MAP2: variants seen among roughly 807,000 people sequenced by gnomAD.
MAP2 encodes the protein microtubule associated protein 2.
MAP2 carries 14 observed loss-of-function variants against 137.6 expected under a neutral mutation model. That is an observed-to-expected ratio of 0.10 (90% confidence interval 0.07 to 0.16). MAP2 has a LOEUF of 0.16. MAP2 is among the 10% of genes least tolerant of loss of function. MAP2 has a pLI of 1.00. For synonymous variants in MAP2, 786 were observed against 782.3 expected (o/e 1.00, Z -0.08); for missense variants, 2,088 against 2,191.5 (o/e 0.95, Z 0.94).
At chr2:209,717,305 A>C (rs2068079092) in intron 13 of MAP2, among the ~76,000 whole-genome samples, 1 of 152,092 alleles carries the variant, frequency 6.6e-6, no homozygotes, top group Non-Finnish European at 1.5e-5. Context: ...GCTTTAAGGG[A>C]AAGCAGTTCC....
intron 5 of MAP2, among the ~76,000 whole-genome samples, chr2:209,665,177 G>T (rs1361176069): frequency 6.6e-6 from 1 of 151,944 alleles, no homozygotes; most frequent in African/African-American, 2.4e-5. Flanking sequence ...AGTGAGAGTT[G>T]GGAGTAAAGA....
In MAP2 at chr2:209,702,196, C is replaced by G. The variant is rs1045164420; in HGVS notation, c.4584+1858C>G. Among the ~76,000 whole-genome samples the G allele has an allele frequency of 6.6e-5, 10 of 152,082 alleles. 1 individual carries two copies. The highest frequency in any genetic ancestry group is 2.4e-4 in the African/African-American group (10 of 41,534). On this transcript the variant is annotated intron_variant, in intron 11 of 15. Transcript: ENST00000682079. ...TTAGGAAATTTTTAAGCCCCTTGGT[C>G]TTTGAGTAACTCGATAGAATCAGCA...
At chr2:209,459,761 A>T (rs1363047511) in intron 1 of MAP2, among the ~76,000 whole-genome samples, 1 of 152,060 alleles carries the variant, frequency 6.6e-6, no homozygotes, top group Non-Finnish European at 1.5e-5. Context: ...CATTTTTTTG[A>T]TTAGTAGCAG....
rs768736628 is a variant in MAP2 at position 209,692,917 on chromosome 2, C to T, written c.747C>T (p.Gly249=). Residue 249 remains glycine, a synonymous_variant, in exon 8 of 16, where the codon GGC becomes GGT. Transcript: ENST00000682079. The part of the protein sequence containing the change: ...QKTEPSLVVP[G]IDLPKEPPTP... The stretch of plus-strand genomic sequence containing the variant: ...CAGAACCAAGCCTTGTAGTACCTGG[C>T]ATTGACCTCCCTAAAGAGCCTCCAA... 5 of 1,613,980 alleles carry T rather than the reference C, an allele frequency of 3.1e-6. No homozygotes were observed. In the South Asian group the frequency reaches 4.4e-5, roughly 14 times the overall value.
At chr2:209,631,004 G>GAAAAAAA (rs1314315917) in intron 4 of MAP2, among the ~76,000 whole-genome samples, 2 of 4,706 alleles carry the variant, frequency 4.2e-4, no homozygotes, top group Non-Finnish European at 8.7e-4. Context: ...GGAGCTACAA[G>GAAAAAAA]CAAAAAAAAA....
chr2:209,626,155 C>T (rs1036411442), intron 4 of MAP2, among the ~76,000 whole-genome samples: 1 of 152,056 alleles, frequency 6.6e-6, no homozygotes, highest in Non-Finnish European at 1.5e-5. Flanking sequence ...TGGTGGCTCA[C>T]ACCTGTAATC....
At chr2:209,642,600 C>A (rs202230186) in intron 4 of MAP2, among the ~76,000 whole-genome samples, 1 of 152,186 alleles carries the variant, frequency 6.6e-6, no homozygotes, top group East Asian at 1.9e-4. Flanking sequence ...ACGTGTTATG[C>A]ACCCACCAGC....
chr2:209,618,430 C>A (rs1367000331), intron 3 of MAP2, among the ~76,000 whole-genome samples: 1 of 152,056 alleles, frequency 6.6e-6, no homozygotes, highest in Non-Finnish European at 1.5e-5. Context: ...TAATTTTGAC[C>A]ATGAGTGCTA....
At chr2:209,700,455 G>T in intron 11 of MAP2, 117 bp downstream of exon 11, 2 of 789,922 alleles carry the variant, frequency 2.5e-6, no homozygotes, top group South Asian at 3.9e-5. Flanking sequence ...ACTTTAAATA[G>T]TTCGCTCACC....
chr2:209,572,985 T>G (rs2074655973), intron 2 of MAP2, among the ~76,000 whole-genome samples: 1 of 152,192 alleles, frequency 6.6e-6, no homozygotes, highest in Non-Finnish European at 1.5e-5. Flanking sequence ...CATTTGTCCA[T>G]GTAAAAGAAA....
At chr2:209,702,981 A>G (rs1164630636) in intron 11 of MAP2, among the ~76,000 whole-genome samples, 2 of 152,092 alleles carry the variant, frequency 1.3e-5, no homozygotes, top group African/African-American at 2.4e-5. Context: ...TTTAACAGTC[A>G]CCCATGAGAC....
intron 4 of MAP2, among the ~76,000 whole-genome samples, chr2:209,643,701 T>A (rs1451509826): frequency 6.6e-6 from 1 of 152,126 alleles, no homozygotes; most frequent in Non-Finnish European, 1.5e-5. Flanking sequence ...AGATTTTTTT[T>A]AACCATGGAC....
At chr2:209,609,218 C>T (rs1233105640) in intron 3 of MAP2, among the ~76,000 whole-genome samples, 4 of 151,660 alleles carry the variant, frequency 2.6e-5, no homozygotes, top group African/African-American at 9.7e-5. Context: ...GCTTAAAACT[C>T]TGAAAAAAAT....
intron 2 of MAP2, among the ~76,000 whole-genome samples, chr2:209,558,811 C>G (rs1429560648): frequency 1.3e-5 from 2 of 151,716 alleles, no homozygotes; most frequent in Admixed American, 6.6e-5. Flanking sequence ...AAATACCAGG[C>G]CAGTTGTCTT....
Position 209,693,476 on chromosome 2 carries a change from A to G in MAP2, c.1306A>G (p.Thr436Ala). The G allele has an allele frequency of 6.2e-7, 1 of 1,613,660 alleles. No individual in the cohort carries two copies. Among genetic ancestry groups the G allele is most frequent in the Non-Finnish European group, 8.5e-7 (1 of 1,179,942 alleles). ...CCCCAGTGGACAGGAACCTATACTTACTGAAAAGGAAACTGAGCTGAAGCT... is the reference window on the plus strand; with the variant it reads ...CCCCAGTGGACAGGAACCTATACTTGCTGAAAAGGAAACTGAGCTGAAGCT... ...FTPSGQEPILTEKETELKLEE... is the reference protein window; with the variant it reads ...FTPSGQEPILAEKETELKLEE... Residue 436 changes from threonine (T) to alanine (A), a missense_variant, in exon 8 of 16, where the codon ACT (threonine) becomes GCT (alanine). Thr to Ala is a moderately conservative substitution (Grantham distance 58). Coordinates refer to ENST00000682079, the MANE Select transcript of MAP2 (RefSeq NM_001375505.1).
At chr2:209,435,454 GA>G (rs1695688438) in intron 1 of MAP2, among the ~76,000 whole-genome samples, 1 of 151,642 alleles carries the variant, frequency 6.6e-6, no homozygotes, top group African/African-American at 2.4e-5. Flanking sequence ...CAAAGGCACT[GA>G]GGTGACAGTG....
At chr2:209,700,252 G>T in intron 10 of MAP2, 25 bp from the exon 11 acceptor site, 3 of 1,607,014 alleles carry the variant, frequency 1.9e-6, no homozygotes, top group Non-Finnish European at 2.6e-6. Context: ...TAAGTTTGGG[G>T]TTGTTTGTCT....
chr2:209,528,316 A>G (rs2064417130), intron 2 of MAP2, among the ~76,000 whole-genome samples: 1 of 152,136 alleles, frequency 6.6e-6, no homozygotes. Flanking sequence ...TAAAAATTAA[A>G]CTTCTTTAGA....
rs2081167048 is a variant in MAP2, at chr2:209,595,930, G to A, written c.-107+15830G>A. Among the ~76,000 whole-genome samples the A allele has an allele frequency of 3.9e-5, 6 of 152,216 alleles. No individual in the cohort carries two copies. In the South Asian group the frequency reaches 1.2e-3, roughly 32 times the overall value. On this transcript the variant is annotated intron_variant, in intron 3 of 15. Coordinates refer to ENST00000682079, the MANE Select transcript of MAP2 (RefSeq NM_001375505.1). ...TGAGAACACTTGGACACAGGGCAGGGAACATCACACCTCAGGGCCTGTCAT... is the reference window on the plus strand; with the variant it reads ...TGAGAACACTTGGACACAGGGCAGGAAACATCACACCTCAGGGCCTGTCAT...
Sources: gnomAD v4.1 joint callset for allele counts (sites outside exome capture counted in the v4.1 genomes callset) on GRCh38, gnomAD v4.1.1 for gene constraint, MANE v1.5 for transcripts, NCBI Gene and HGNC (gene_info 2026-07-23, HGNC 2026-07-21) for gene names.